The following DIABLO variants were observed in gnomAD, a reference collection of about 807,000 sequenced individuals.
DIABLO encodes diablo homolog, mitochondrial.
A neutral mutation model predicts 31.7 loss-of-function variants in DIABLO; 32 were observed. That is an observed-to-expected ratio of 1.01 (90% confidence interval 0.76 to 1.35). The LOEUF is 1.35. Among genes scored for constraint, DIABLO ranks in the 40% most tolerant of loss-of-function variants. The probability of loss-of-function intolerance (pLI) is 0.00; values close to 1 mark genes in which losing one functional copy is unlikely to be tolerated. For synonymous variants in DIABLO, 132 were observed against 103.2 expected (o/e 1.28, Z -1.69); for missense variants, 316 against 286.4 (o/e 1.10, Z -0.75).
chr12:122,227,014 C>T (rs942243426), upstream of DIABLO, among the ~76,000 whole-genome samples: 1 of 152,202 alleles, frequency 6.6e-6, no homozygotes, highest in East Asian at 1.9e-4. Context: ...AAGGCACAGG[C>T]CCAAACCTGC....
chr12:122,226,011 C>A lies in DIABLO; in HGVS notation c.4G>T (p.Ala2Ser). The change falls in exon 1 of 6, where the codon GCG becomes TCG. Residue 2 changes from alanine to serine, a missense_variant. Physicochemically the swap from Ala to Ser is moderately conservative, Grantham distance 99 (BLOSUM62 1). Transcript: ENST00000464942. MAALKSWLSRSV... is the reference protein window; with the variant it reads MSALKSWLSRSV... Reference sequence around the variant, plus strand: ...CGCGACAGCCAACTCTTCAGAGCCGCCATTGTGCAGCGCGCGGACGCCAGA... The same window carrying A: ...CGCGACAGCCAACTCTTCAGAGCCGACATTGTGCAGCGCGCGGACGCCAGA... 1 of 1,603,868 alleles carries A rather than the reference C, an allele frequency of 6.2e-7. No individual in the cohort carries two copies. Among genetic ancestry groups the A allele is most frequent in the East Asian group, 2.2e-5 (1 of 44,562 alleles).
intron 2 of DIABLO, among the ~76,000 whole-genome samples, chr12:122,223,685 A>G (rs1334700904): frequency 6.6e-6 from 1 of 152,174 alleles, no homozygotes; most frequent in Non-Finnish European, 1.5e-5. Context: ...CCCGCACCAG[A>G]TAGTATAATG....
At chr12:122,214,215 TCACTCTGTTG>T (rs1489791080) in intron 5 of DIABLO, among the ~76,000 whole-genome samples, 2 of 152,218 alleles carry the variant, frequency 1.3e-5, no homozygotes, top group Admixed American at 6.5e-5. Context: ...AGATGGGGTC[TCACTCTGTTG>T]CACAGGCTGG....
chr12:122,208,200 C>T lies in DIABLO; in HGVS notation c.*181G>A, dbSNP rs774182436. 1.2e-5 allele frequency: 9 copies of T among 745,784 alleles called. No homozygotes were observed. The East Asian group carries it at 2.1e-4, about 18-fold the overall frequency. The allele number at this position is 745,784 out of a possible 1,614,324, so 46.2% of individuals were successfully genotyped here. On this transcript the variant is annotated 3_prime_UTR_variant, in exon 6 of 6. Transcript: ENST00000464942. ...AGTGCCCAAGGGCTAAGAACCAGGT[C>T]CAGCGCAAGCCTGAGACCACAGGAG...
upstream of DIABLO, chr12:122,227,208 T>C (rs1954496331): frequency 2.2e-5 from 8 of 371,722 alleles, no homozygotes; most frequent in South Asian, 1.6e-4. Context: ...CCAGCCCTGC[T>C]AACTTCCACC....
intron 5 of DIABLO, among the ~76,000 whole-genome samples, chr12:122,214,208 T>TG (rs1223131352): frequency 3.3e-5 from 5 of 152,192 alleles, no homozygotes; most frequent in Non-Finnish European, 5.9e-5. Flanking sequence ...TTCTTTGAGA[T>TG]GGGGTCTCAC....
At chr12:122,225,780 G>A (rs1954450319) in intron 1 of DIABLO, 185 bp downstream of exon 1, 3 of 1,450,316 alleles carry the variant, frequency 2.1e-6, no homozygotes, top group Admixed American at 2.6e-5. Flanking sequence ...AGGAAGCCGG[G>A]CTTGACCCAG....
intron 5 of DIABLO, among the ~76,000 whole-genome samples, chr12:122,212,488 C>T (rs1954109417): frequency 6.6e-6 from 1 of 152,150 alleles, no homozygotes. Context: ...TTTATCGTCA[C>T]CTCTAGTGTT....
rs187581333 is a variant in DIABLO at position 122,222,474 on chromosome 12, G to A, written c.183+2038C>T. On this transcript the variant is annotated intron_variant, in intron 2 of 5. Transcript: ENST00000464942. ...AAAAATTAGCAGGGTGTGGTGGCGGGCGCCTGTAGTCCCAGCTACTCGGGA... is the reference window on the plus strand; with the variant it reads ...AAAAATTAGCAGGGTGTGGTGGCGGACGCCTGTAGTCCCAGCTACTCGGGA... 5.9e-3 allele frequency: 895 copies of A among 151,986 alleles called. 9 individuals are homozygous for A. The highest frequency in any genetic ancestry group is 6.2e-3 in the Non-Finnish European group (423 of 68,086). 9.4% of individuals were successfully genotyped at this position (151,986 alleles called of 1,614,324 possible).
At chr12:122,209,947 T>A in intron 5 of DIABLO, 1 of 622,252 alleles carries the variant, frequency 1.6e-6, no homozygotes, top group South Asian at 1.9e-5. Flanking sequence ...ATTCGAATCA[T>A]AAATGGCTAC....
At chr12:122,225,327 C>T in intron 1 of DIABLO, 1 of 866,438 alleles carries the variant, frequency 1.2e-6, no homozygotes, top group South Asian at 4.7e-5. Context: ...GCACAGGTTG[C>T]AGTGAGCTGA....
In DIABLO at chr12:122,225,967, G is replaced by A. The variant is rs76582402; in HGVS notation, c.48C>T (p.Phe16=). The change falls in exon 1 of 6, where the codon TTC becomes TTT. Residue 16 remains phenylalanine, a splice_region_variant and synonymous_variant. Transcript: ENST00000464942. The part of the protein sequence containing the change: ...SWLSRSVTSF[F]RYRQCLCVPV... ...CCTCTACGCGGCCGCAGCGGTACCTGAAGAATGAAGTTACGCTGCGCGACA... is the reference window on the plus strand; with the variant it reads ...CCTCTACGCGGCCGCAGCGGTACCTAAAGAATGAAGTTACGCTGCGCGACA... The A allele has an allele frequency of 1.9e-6, 3 of 1,596,524 alleles. No homozygotes were observed. Among genetic ancestry groups the A allele is most frequent in the Non-Finnish European group, 2.6e-6 (3 of 1,172,184 alleles).
chr12:122,218,808 T>C (rs1409436142), intron 2 of DIABLO: 1 of 258,208 alleles, frequency 3.9e-6, no homozygotes, highest in Non-Finnish European at 7.4e-6. Context: ...TGGGCCGTAG[T>C]GGTGTGCGTC....
upstream of DIABLO, chr12:122,226,445 G>A (rs1954481091): frequency 4.3e-6 from 3 of 698,830 alleles, no homozygotes; most frequent in Non-Finnish European, 7.8e-6. Flanking sequence ...TCAGCACCAG[G>A]AAGTAAGTGG....
rs74759407 is a variant in DIABLO, at chr12:122,209,736, A to G, written c.524-1159T>C. ...TGTATTTCACCATCTGGGTATATAC[A>G]TTTTATCAATTCGTCTGTAGAACAT... On this transcript the variant is annotated intron_variant, in intron 5 of 5. Coordinates refer to ENST00000464942, the MANE Select transcript of DIABLO (RefSeq NM_001371333.1). 6.1e-3 allele frequency: 4,264 copies of G among 702,924 alleles called. 30 individuals are homozygous for G. Among genetic ancestry groups the G allele is most frequent in the Non-Finnish European group, 7.9e-3 (3,041 of 384,984 alleles). 43.5% of individuals were successfully genotyped at this position (702,924 alleles called of 1,614,324 possible).
chr12:122,218,772 T>C (rs1274823871), intron 2 of DIABLO: 2 of 296,080 alleles, frequency 6.8e-6, no homozygotes, highest in South Asian at 6.1e-5. Context: ...AAACCCCGTC[T>C]CTACTAAAAA....
At chr12:122,216,390 C>T (rs1954211323) in intron 5 of DIABLO, 98 bp downstream of exon 5, 3 of 1,035,730 alleles carry the variant, frequency 2.9e-6, no homozygotes, top group Non-Finnish European at 4.4e-6. Context: ...AGACCATTTA[C>T]TATAAAGCCC....
chr12:122,218,529 G>A lies in DIABLO; in HGVS notation c.184-132C>T, dbSNP rs557085112. ...CTGAAACTGCACTATATTTCTTTGG[G>A]TTATATTTTTTAAGGCCTTATTTTG... On this transcript the variant is annotated intron_variant, in intron 2 of 5. Transcript: ENST00000464942. 1.5e-5 allele frequency: 18 copies of A among 1,220,714 alleles called. No individual in the cohort carries two copies. The African/African-American group carries it at 2.0e-4, about 13-fold the overall frequency. 75.6% of individuals were successfully genotyped at this position (1,220,714 alleles called of 1,614,324 possible). A position where few individuals can be genotyped will look rare whatever the true frequency, so the allele number is the denominator to read the frequency against.
At chr12:122,208,740 G>T in intron 5 of DIABLO, 163 bp from the exon 6 acceptor site, 1 of 741,342 alleles carries the variant, frequency 1.3e-6, no homozygotes, top group Non-Finnish European at 2.4e-6. Flanking sequence ...CCACCTCTAT[G>T]TTCAGGTCTG....
Sources: gnomAD v4.1 joint callset for allele counts (sites outside exome capture counted in the v4.1 genomes callset) on GRCh38, gnomAD v4.1.1 for gene constraint, MANE v1.5 for transcripts, NCBI Gene and HGNC (gene_info 2026-07-23, HGNC 2026-07-21) for gene names.